The following TESK2 variants were observed in gnomAD, a reference collection of about 807,000 sequenced individuals.
The protein encoded by TESK2 is testis associated actin remodelling kinase 2, also known as dual specificity testis-specific protein kinase 2.
TESK2 carries 39 observed loss-of-function variants against 57.1 expected under a neutral mutation model. That is an observed-to-expected ratio of 0.68 (90% CI 0.53 to 0.89). The LOEUF (loss-of-function observed/expected upper bound fraction) is 0.89. TESK2 is among the 40% of genes least tolerant of loss of function. The pLI, the probability that TESK2 is intolerant of heterozygous loss-of-function variation, is 0.00. For missense variants in TESK2, 646 were observed against 732.1 expected (o/e 0.88, Z 1.36); for synonymous variants, 249 against 267.9 (o/e 0.93, Z 0.69).
At chr1:45,368,460 C>T (rs553483888) in intron 4 of TESK2, among the ~76,000 whole-genome samples, 31 of 151,820 alleles carry the variant, frequency 2.0e-4, no homozygotes, top group African/African-American at 6.8e-4. Context: ...CTGCAACCTC[C>T]GCCTCTGGGT....
At chr1:45,436,347 G>C (rs1335169501) in intron 2 of TESK2, among the ~76,000 whole-genome samples, 1 of 150,096 alleles carries the variant, frequency 6.7e-6, no homozygotes, top group Non-Finnish European at 1.5e-5. Flanking sequence ...ACCACACCTG[G>C]ATAATTTTTG....
intron 2 of TESK2, 143 bp downstream of exon 2, chr1:45,457,421 C>T (rs1414299362): frequency 5.8e-6 from 4 of 695,260 alleles, no homozygotes; most frequent in South Asian, 1.9e-5. Flanking sequence ...TAATAAATAG[C>T]TTGAAAGGAG....
chr1:45,485,214 A>G (rs1014264192), intron 1 of TESK2, among the ~76,000 whole-genome samples: 7 of 147,410 alleles, frequency 4.7e-5, no homozygotes, highest in Non-Finnish European at 9.0e-5. Flanking sequence ...TTTGAGATGG[A>G]GTCTCGCTCT....
intron 3 of TESK2, among the ~76,000 whole-genome samples, chr1:45,403,401 T>C (rs1193042741): frequency 6.6e-6 from 1 of 152,156 alleles, no homozygotes; most frequent in East Asian, 1.9e-4. Flanking sequence ...TATTACATCA[T>C]GGAAAACTGG....
chr1:45,453,684 A>G (rs1651963699), intron 2 of TESK2, among the ~76,000 whole-genome samples: 1 of 152,184 alleles, frequency 6.6e-6, no homozygotes, highest in African/African-American at 2.4e-5. Flanking sequence ...AGAAAAAATT[A>G]ATTTGACTTA....
intron 1 of TESK2, among the ~76,000 whole-genome samples, chr1:45,458,801 A>G (rs1299173865): frequency 1.3e-5 from 2 of 152,200 alleles, no homozygotes; most frequent in Non-Finnish European, 1.5e-5. Flanking sequence ...AGCACAGTCC[A>G]GTAGAAGTAA....
intron 3 of TESK2, among the ~76,000 whole-genome samples, chr1:45,416,265 T>TAGAGAAAACA (rs1417571580): frequency 6.6e-6 from 1 of 151,140 alleles, no homozygotes; most frequent in East Asian, 1.9e-4. Context: ...GTATTTTTTG[T>TAGAGAAAACA]AGAGAAAACA....
intron 3 of TESK2, among the ~76,000 whole-genome samples, chr1:45,420,151 T>C (rs1266097896): frequency 2.6e-5 from 4 of 152,202 alleles, no homozygotes; most frequent in East Asian, 3.9e-4. Flanking sequence ...TTTAAAAATA[T>C]ACTGGCCAGG....
intron 4 of TESK2, among the ~76,000 whole-genome samples, chr1:45,361,274 A>T (rs1438404496): frequency 3.3e-5 from 5 of 152,220 alleles, no homozygotes; most frequent in Admixed American, 3.3e-4. Context: ...GCTTTCCCGG[A>T]TGGGGATAAC....
intron 3 of TESK2, among the ~76,000 whole-genome samples, chr1:45,404,698 C>A (rs898523680): frequency 1.3e-5 from 2 of 151,924 alleles, no homozygotes; most frequent in Non-Finnish European, 2.9e-5. Context: ...CATGCGCCAC[C>A]ACGCCGGGCT....
At chr1:45,424,602 T>C (rs1650612511) in intron 2 of TESK2, among the ~76,000 whole-genome samples, 1 of 152,222 alleles carries the variant, frequency 6.6e-6, no homozygotes, top group African/African-American at 2.4e-5. Context: ...AGAAGACATC[T>C]GTGTTTTAAT....
At chr1:45,485,522 T>TA (rs1653436997) in intron 1 of TESK2, among the ~76,000 whole-genome samples, 1 of 75,962 alleles carries the variant, frequency 1.3e-5, no homozygotes, top group African/African-American at 6.1e-5. Context: ...TTTTTTATTT[T>TA]ATTTTTTTTT....
At chr1:45,350,912 A>G (rs555147345) in intron 5 of TESK2, among the ~76,000 whole-genome samples, 1 of 152,330 alleles carries the variant, frequency 6.6e-6, no homozygotes, top group African/African-American at 2.4e-5. Context: ...CCAGCATTCA[A>G]CGTTGTTCCT....
intron 4 of TESK2, among the ~76,000 whole-genome samples, chr1:45,382,299 T>A (rs1484543293): frequency 3.3e-5 from 5 of 151,728 alleles, no homozygotes; most frequent in African/African-American, 1.2e-4. Context: ...AATACAGTAG[T>A]GCAAGTATGG....
At chr1:45,413,787 A>C (rs752374616) in intron 3 of TESK2, 1 of 455,508 alleles carries the variant, frequency 2.2e-6, no homozygotes, top group Non-Finnish European at 4.4e-6. Context: ...ACATCTGTGT[A>C]ATCCTAGGGT....
At chr1:45,421,652 C>G in intron 3 of TESK2, 73 bp downstream of exon 3, 1 of 1,570,696 alleles carries the variant, frequency 6.4e-7, no homozygotes, top group Non-Finnish European at 8.7e-7. Context: ...CCTTTTTTTC[C>G]TATTAGTGCT....
At chr1:45,356,814 G>A (rs1037144879) in intron 4 of TESK2, among the ~76,000 whole-genome samples, 4 of 152,166 alleles carry the variant, frequency 2.6e-5, no homozygotes, top group African/African-American at 9.7e-5. Flanking sequence ...CCAAGGTCAT[G>A]CATGCCCAGG....
chr1:45,397,331 C>G (rs569530730), intron 3 of TESK2, among the ~76,000 whole-genome samples: 4 of 152,320 alleles, frequency 2.6e-5, no homozygotes, highest in African/African-American at 9.6e-5. Flanking sequence ...CAAACCTAAA[C>G]AGTTGATTAT....
At chr1:45,409,644 G>C (rs1281503157) in intron 3 of TESK2, among the ~76,000 whole-genome samples, 1 of 152,200 alleles carries the variant, frequency 6.6e-6, no homozygotes, top group Non-Finnish European at 1.5e-5. Context: ...GGTTGGGCTA[G>C]AGTAGTAAGT....
Sources: gnomAD v4.1 joint callset for allele counts (sites outside exome capture counted in the v4.1 genomes callset) on GRCh38, gnomAD v4.1.1 for gene constraint, MANE v1.5 for transcripts, NCBI Gene and HGNC (gene_info 2026-07-23, HGNC 2026-07-21) for gene names.